FAM186B: variants seen among roughly 807,000 people sequenced by gnomAD.
FAM186B encodes family with sequence similarity 186 member B.
In FAM186B, 68 loss-of-function variants were observed where a neutral mutation model predicts 83.4. The ratio of observed to expected loss-of-function variants is 0.81; its 90% CI spans 0.67 to 1.00. The LOEUF (loss-of-function observed/expected upper bound fraction) is 1.00, where lower values mean the gene tolerates loss of function less well. Among genes scored for constraint, FAM186B ranks in the 50% least tolerant of loss-of-function variants. The pLI is 0.00. For synonymous variants in FAM186B, 389 were observed against 422.0 expected (o/e 0.92, Z 0.96); for missense variants, 983 against 1,099.2 (o/e 0.89, Z 1.49).
rs147347392 is a variant in FAM186B, at chr12:49,599,617, G to C, written c.2023C>G (p.Leu675Val). Residue 675 changes from leucine to valine, a missense_variant, in exon 4 of 7, where the codon CTC (leucine) becomes GTC (valine). Leu to Val is a conservative substitution (Grantham distance 32). Coordinates refer to ENST00000257894, the MANE Select transcript of FAM186B (RefSeq NM_032130.3). ...CTCAACTCAGACTCCTCACTCAGGAGCTGCAGGTTCTTCCTCTGGGCCTCC... is the reference window on the plus strand; with the variant it reads ...CTCAACTCAGACTCCTCACTCAGGACCTGCAGGTTCTTCCTCTGGGCCTCC... ...DMEAQRKNLQ[L>V]LSEESELRLP... 1.2e-6 allele frequency: 2 copies of C among 1,610,840 alleles called. No homozygotes were observed. The highest frequency in any genetic ancestry group is 1.3e-5 in the African/African-American group (1 of 74,818).
Position 49,596,323 on chromosome 12 carries a change from CAAA to C in FAM186B, c.2364+2429_2364+2431del, listed in dbSNP as rs933362822. On this transcript the variant is annotated intron_variant, in intron 5 of 6. Coordinates refer to ENST00000257894, the MANE Select transcript of FAM186B (RefSeq NM_032130.3). ...CGGCAATATAGTGAGACCCCCGTCTCAAAAAAAAAAAAAAAAAAAAAGCAGGGG... is the reference window on the plus strand; with the variant it reads ...CGGCAATATAGTGAGACCCCCGTCTCAAAAAAAAAAAAAAAAAAGCAGGGG... 1.2e-4 allele frequency among the ~76,000 whole-genome samples: 8 copies of C among 64,308 alleles called. 1 individual carries two copies. Among genetic ancestry groups the C allele is most frequent in the African/African-American group, 2.4e-4 (5 of 20,676 alleles). The allele number at this position is 64,308 out of a possible 152,430, so 42.2% of individuals were successfully genotyped here.
At position 49,601,004 on chromosome 12, in the gene FAM186B, CA is replaced by C; in HGVS notation, c.635del (p.Val212GlyfsTer36). On this transcript the variant is annotated frameshift_variant, in exon 4 of 7. Coordinates refer to ENST00000257894, the MANE Select transcript of FAM186B (RefSeq NM_032130.3). LOFTEE classifies it high-confidence loss of function. ...QHTMNTKASE[V>X]TSMLQELLDS... ...CCAGGAGCTCCTGCAGCATGGACGTCACCTCCGAGGCCTTCGTGTTCATGGT... is the reference window on the plus strand; with the variant it reads ...CCAGGAGCTCCTGCAGCATGGACGTCCCTCCGAGGCCTTCGTGTTCATGGT... 1.9e-6 allele frequency: 3 copies of C among 1,614,152 alleles called. No individual in the cohort carries two copies. The highest frequency in any genetic ancestry group is 2.5e-6 in the Non-Finnish European group (3 of 1,180,022).
chr12:49,614,220 G>T, the FAM186B span, among the ~76,000 whole-genome samples: 1 of 151,766 alleles, frequency 6.6e-6, no homozygotes, highest in Non-Finnish European at 1.5e-5. Flanking sequence ...CCATTACTCG[G>T]TATACACCCA....
upstream of FAM186B, among the ~76,000 whole-genome samples, chr12:49,609,979 C>T (rs185336403): frequency 6.6e-6 from 1 of 152,338 alleles, no homozygotes; most frequent in Admixed American, 6.5e-5. Flanking sequence ...CCACAGCTGG[C>T]TCTTACTTAT....
the FAM186B span, among the ~76,000 whole-genome samples, chr12:49,622,120 GA>G: frequency 6.6e-6 from 1 of 152,244 alleles, no homozygotes; most frequent in Non-Finnish European, 1.5e-5. Flanking sequence ...ATAATAGTTT[GA>G]AAATCGCCCC....
chr12:49,596,330 A>G (rs1407151312), intron 5 of FAM186B, among the ~76,000 whole-genome samples: 1 of 151,348 alleles, frequency 6.6e-6, no homozygotes, highest in East Asian at 1.9e-4. Context: ...TCTCAAAAAA[A>G]AAAAAAAAAA....
At position 49,598,164 on chromosome 12, in the gene FAM186B, G is replaced by A. The variant is rs575909687; in HGVS notation, c.2364+591C>T. 1.1e-4 allele frequency among the ~76,000 whole-genome samples: 16 copies of A among 152,318 alleles called. No individual in the cohort carries two copies. The South Asian group carries it at 1.2e-3, about 12-fold the overall frequency. On this transcript the variant is annotated intron_variant, in intron 5 of 6. Transcript: ENST00000257894. ...AGAGTGAGGATAGATATTAAGTAAA[G>A]ACATTTTCAGACAACCAGGGTCTCA...
intron 5 of FAM186B, among the ~76,000 whole-genome samples, chr12:49,593,410 G>A (rs372315430): frequency 1.4e-4 from 22 of 152,292 alleles, no homozygotes; most frequent in African/African-American, 4.8e-4. Flanking sequence ...CCAGGTGGGC[G>A]GATCCCCTGA....
chr12:49,596,856 C>T (rs1174635428), intron 5 of FAM186B, among the ~76,000 whole-genome samples: 1 of 152,146 alleles, frequency 6.6e-6, no homozygotes, highest in Non-Finnish European at 1.5e-5. Flanking sequence ...CTCACAGTAG[C>T]CAAGATATGG....
Position 49,605,526 on chromosome 12 carries a change from G to T in FAM186B, c.-49C>A, listed in dbSNP as rs753232524. 71 of 1,578,822 alleles carry T rather than the reference G, an allele frequency of 4.5e-5. No homozygotes were observed. The highest frequency in any genetic ancestry group is 5.7e-5 in the Non-Finnish European group (66 of 1,159,816). On this transcript the variant is annotated 5_prime_UTR_variant, in exon 1 of 7. It adds an upstream start codon to the 5' untranslated region. Coordinates refer to ENST00000257894, the MANE Select transcript of FAM186B (RefSeq NM_032130.3). Reference sequence around the variant, plus strand: ...AAACATCCTGTGTTTCTGGTCCACAGGCCTGGACACACAATGTTGCCTGCT... The same window carrying T: ...AAACATCCTGTGTTTCTGGTCCACATGCCTGGACACACAATGTTGCCTGCT...
intron 5 of FAM186B, chr12:49,594,258 G>C (rs1470400914): frequency 8.7e-6 from 2 of 231,100 alleles, no homozygotes; most frequent in East Asian, 2.2e-4. Flanking sequence ...TTGATGCTCA[G>C]TGAAACCTGG....
rs1592554041 is a variant in FAM186B, at chr12:49,600,680, C to T, written c.960G>A (p.Lys320=). 1 of 1,614,174 alleles carries T rather than the reference C, an allele frequency of 6.2e-7. No individual in the cohort carries two copies. The highest frequency in any genetic ancestry group is 2.2e-5 in the East Asian group (1 of 44,882). Residue 320 remains lysine (K), a synonymous_variant, in exon 4 of 7, where the codon AAG becomes AAA. Coordinates refer to ENST00000257894, the MANE Select transcript of FAM186B (RefSeq NM_032130.3). This position sits in a 1 kb window ranked among gnomAD's most constrained non-coding sequence, Gnocchi z 4.3. ...MKQALEFQLK[K]AQNATGQAED... ...CTGCCTGACCTGTAGCATTCTGAGC[C>T]TTCTTCAGCTGGAACTCCAAGGCCT...
At chr12:49,619,823 C>T in the FAM186B span, among the ~76,000 whole-genome samples, 1 of 151,582 alleles carries the variant, frequency 6.6e-6, no homozygotes, top group South Asian at 2.1e-4. Context: ...TACAGGTGAT[C>T]GCCACCACGC....
At chr12:49,613,874 C>T in the FAM186B span, among the ~76,000 whole-genome samples, 5 of 151,534 alleles carry the variant, frequency 3.3e-5, no homozygotes, top group East Asian at 5.9e-4. Flanking sequence ...ACTGGCCGGG[C>T]GCGGTGGCTC....
chr12:49,602,891 C>G (rs112173433), intron 3 of FAM186B, among the ~76,000 whole-genome samples: 2,784 of 152,304 alleles, frequency 0.018, 93 homozygotes, highest in African/African-American at 0.064. Flanking sequence ...TAACTCTAGC[C>G]CTCCTGGCCT....
At chr12:49,605,223 A>G (rs916075952) in intron 1 of FAM186B, 159 bp downstream of exon 1, 2 of 1,467,208 alleles carry the variant, frequency 1.4e-6, no homozygotes, top group African/African-American at 1.4e-5. Flanking sequence ...CAAGTTTAGG[A>G]GAGAGATAAT....
intron 5 of FAM186B, among the ~76,000 whole-genome samples, chr12:49,597,119 C>T (rs1939745695): frequency 6.6e-6 from 1 of 152,174 alleles, no homozygotes; most frequent in Non-Finnish European, 1.5e-5. Context: ...CAATAGGTTA[C>T]ACCATATAGT....
the FAM186B span, among the ~76,000 whole-genome samples, chr12:49,613,388 G>A: frequency 1.3e-4 from 19 of 151,764 alleles, no homozygotes; most frequent in African/African-American, 4.4e-4. Flanking sequence ...TTAGCCGGGT[G>A]TGGTGGTGGG....
chr12:49,599,955 G>T lies in FAM186B; in HGVS notation c.1685C>A (p.Pro562His), dbSNP rs756537392. 1 of 1,613,904 alleles carries T rather than the reference G, an allele frequency of 6.2e-7. No homozygotes were observed. The highest frequency in any genetic ancestry group is 1.7e-5 in the Admixed American group (1 of 59,988). ...GEDVERRIFT[P>H]TSRWRDLEKA... The stretch of plus-strand genomic sequence containing the variant: ...CTCCAAGTCCCTCCATCGACTGGTG[G>T]GTGTGAAGATCCTCCTCTCCACATC... The change falls in exon 4 of 7, where the codon CCC becomes CAC. Residue 562 changes from proline to histidine, a missense_variant. Physicochemically the swap from Pro to His is moderately conservative, Grantham distance 77. Coordinates refer to ENST00000257894, the MANE Select transcript of FAM186B (RefSeq NM_032130.3).
Sources: allele counts gnomAD v4.1 joint callset (sites outside exome capture counted in the v4.1 genomes callset), GRCh38; gene constraint gnomAD v4.1.1; non-coding constraint Gnocchi (gnomAD v3.1); transcripts MANE v1.5; gene names NCBI Gene and HGNC (gene_info 2026-07-23, HGNC 2026-07-21).